BAIAP2L2: variants seen among roughly 807,000 people sequenced by gnomAD.
BAIAP2L2 encodes the protein BAR/IMD domain-containing adapter protein 2-like 2.
BAIAP2L2 carries 65 observed loss-of-function variants against 60.4 expected under a neutral mutation model. The ratio of observed to expected loss-of-function variants is 1.08; its 90% CI spans 0.88 to 1.32. The LOEUF is 1.32. BAIAP2L2 is among the 40% of genes most tolerant of loss of function. BAIAP2L2 has a pLI of 0.00. For synonymous variants in BAIAP2L2, 344 were observed against 301.7 expected (o/e 1.14, Z -1.45); for missense variants, 836 against 741.2 (o/e 1.13, Z -1.48).
Position 38,098,364 on chromosome 22 carries a change from G to A in BAIAP2L2, c.348+47C>T, listed in dbSNP as rs758744849. 2.3e-5 allele frequency: 37 copies of A among 1,576,270 alleles called. No homozygotes were observed. The South Asian group carries it at 3.9e-4, about 17-fold the overall frequency. ...GCCTACCTGTCAAATGGGAGAGGGG[G>A]TCCTGCCTGCAGTGAGTTGGGGGCC... On this transcript the variant is annotated intron_variant, in intron 5 of 13. Coordinates refer to ENST00000381669, the MANE Select transcript of BAIAP2L2 (RefSeq NM_025045.6).
chr22:38,089,233 T>C lies in BAIAP2L2; in HGVS notation c.766-2A>G. The C allele has an allele frequency of 2.3e-6, 1 of 427,354 alleles. No individual in the cohort carries two copies. The highest frequency in any genetic ancestry group is 1.1e-4 in the South Asian group (1 of 9,040). 26.5% of individuals were successfully genotyped at this position (427,354 alleles called of 1,614,324 possible). On this transcript the variant is annotated splice_acceptor_variant, in intron 8 of 13. Transcript: ENST00000381669. LOFTEE classifies it high-confidence loss of function. ...GAACTCTCCCAGGGGCCTCGGGGGC[T>C]GCGGGGGAGATGGGCAGGGGAGGGT...
intron 6 of BAIAP2L2, 40 bp downstream of exon 6, chr22:38,098,023 C>CCCT: frequency 2.3e-6 from 2 of 860,276 alleles, no homozygotes; most frequent in Non-Finnish European, 1.9e-6. Flanking sequence ...GTCTGCCCAC[C>CCCT]CGCCCTTCCT....
chr22:38,085,480 C>T, intron 13 of BAIAP2L2, 105 bp from the exon 14 acceptor site: 1 of 1,355,018 alleles, frequency 7.4e-7, no homozygotes. Flanking sequence ...CCTCCTGCCC[C>T]TATTTGGTCT....
At chr22:38,102,612 G>T (rs2086589387) in intron 4 of BAIAP2L2, among the ~76,000 whole-genome samples, 1 of 151,116 alleles carries the variant, frequency 6.6e-6, no homozygotes, top group African/African-American at 2.4e-5. Flanking sequence ...TGAAACAGAA[G>T]AAAATGAATC....
chr22:38,089,145 C>T lies in BAIAP2L2; in HGVS notation c.852G>A (p.Ala284=), dbSNP rs1360320118. The T allele has an allele frequency of 7.5e-7, 1 of 1,340,492 alleles. No homozygotes were observed. The highest frequency in any genetic ancestry group is 9.5e-7 in the Non-Finnish European group (1 of 1,050,352). 83.0% of individuals were successfully genotyped at this position (1,340,492 alleles called of 1,614,324 possible). A position where few individuals can be genotyped will look rare whatever the true frequency, so the allele number is the denominator to read the frequency against. Residue 284 remains alanine, a synonymous_variant, in exon 9 of 14, where the codon GCG becomes GCA. Transcript: ENST00000381669. ...SYGTEPDARP[A]SQLEPDRRSL... is the part of the protein sequence containing the mutation. ...AGCGACGGTCTGGCTCTAGCTGGGA[C>T]GCGGGCCTCGCGTCGGGCTCGGTGC...
chr22:38,099,481 C>T (rs1275666270), intron 4 of BAIAP2L2, among the ~76,000 whole-genome samples: 6 of 151,592 alleles, frequency 4.0e-5, no homozygotes, highest in East Asian at 1.9e-4. Flanking sequence ...TTGTAGTGAG[C>T]GGAGATCACG....
intron 1 of BAIAP2L2, 51 bp from the exon 2 acceptor site, chr22:38,109,259 A>G (rs60600671): frequency 0.17 from 245,073 of 1,454,654 alleles, 30,504 homozygotes; most frequent in African/African-American, 0.63. Context: ...GGGGAGCGAG[A>G]AGGAACCACG....
chr22:38,105,496 C>T (rs2086648317), intron 4 of BAIAP2L2, among the ~76,000 whole-genome samples: 1 of 152,008 alleles, frequency 6.6e-6, no homozygotes, highest in African/African-American at 2.4e-5. Flanking sequence ...CCCGCCACCA[C>T]ATGCGCGGCT....
At chr22:38,102,737 G>A (rs902741699) in intron 4 of BAIAP2L2, among the ~76,000 whole-genome samples, 2 of 152,136 alleles carry the variant, frequency 1.3e-5, no homozygotes, top group East Asian at 1.9e-4. Context: ...TATAAAAAGA[G>A]TTTAAAAATT....
In BAIAP2L2 at chr22:38,110,377, T is replaced by C. The variant is rs2086817945; in HGVS notation, c.51+98A>G. 5 of 1,261,656 alleles carry C rather than the reference T, an allele frequency of 4.0e-6. No individual in the cohort carries two copies. In the South Asian group the frequency reaches 6.4e-5, roughly 16 times the overall value. The allele number at this position is 1,261,656 out of a possible 1,614,324, so 78.2% of individuals were successfully genotyped here. On this transcript the variant is annotated intron_variant, in intron 1 of 13. Transcript: ENST00000381669. The stretch of plus-strand genomic sequence containing the variant: ...GCTCCAGGCTTCCCTTTCCAGGACA[T>C]CTGTAGCCCCGGCTGGCCCTCCGTC...
chr22:38,108,021 T>G, intron 3 of BAIAP2L2, 108 bp from the exon 4 acceptor site: 3 of 1,281,148 alleles, frequency 2.3e-6, no homozygotes, highest in Non-Finnish European at 3.3e-6. Context: ...GACTGGATTT[T>G]GGGACCAAAG....
intron 11 of BAIAP2L2, among the ~76,000 whole-genome samples, chr22:38,086,757 A>G (rs1001111747): frequency 6.6e-6 from 1 of 152,080 alleles, no homozygotes; most frequent in Admixed American, 6.5e-5. Flanking sequence ...GCACTTTGGG[A>G]GACCGAGGTG....
rs1400346317 is a variant in BAIAP2L2 at position 38,098,567 on chromosome 22, G to A, written c.277-85C>T. The A allele has an allele frequency of 9.0e-6, 10 of 1,109,716 alleles. 1 individual carries two copies. Among genetic ancestry groups the A allele is most frequent in the Non-Finnish European group, 1.3e-5 (10 of 751,944 alleles). The allele number at this position is 1,109,716 out of a possible 1,614,324, so 68.7% of individuals were successfully genotyped here. On this transcript the variant is annotated intron_variant, in intron 4 of 13. Transcript: ENST00000381669. ...CCCCCTTGCACTTTCTGCTATAACA[G>A]ACTGCCCATCGTGCTCCTAATATAC...
rs201216387 is a variant in BAIAP2L2, at chr22:38,085,344, G to A, written c.1546C>T (p.Arg516Cys). 1.6e-4 allele frequency: 253 copies of A among 1,614,068 alleles called. No homozygotes were observed. Among genetic ancestry groups the A allele is most frequent in the Non-Finnish European group, 1.9e-4 (230 of 1,179,966 alleles). The stretch of plus-strand genomic sequence containing the variant: ...GAGCGGTCATTGGTGATGGTGGGAC[G>A]AAGCTTGACAGTGGCAAAAGGATTT... Reference protein sequence around the residue: ...GTNPFATVKLRPTITNDRSAP... With the variant: ...GTNPFATVKLCPTITNDRSAP... The change falls in exon 14 of 14, where the codon CGT (arginine) becomes TGT (cysteine). Residue 516 changes from arginine to cysteine, a missense_variant. Coordinates refer to ENST00000381669, the MANE Select transcript of BAIAP2L2 (RefSeq NM_025045.6).
chr22:38,087,900 C>T (rs886492874), intron 10 of BAIAP2L2, among the ~76,000 whole-genome samples: 6 of 151,472 alleles, frequency 4.0e-5, no homozygotes, highest in Non-Finnish European at 4.4e-5. Context: ...ACCCCCCCCC[C>T]GCCATTTAAG....
intron 6 of BAIAP2L2, 46 bp downstream of exon 6, chr22:38,098,017 G>GCCCCCCC: frequency 1.3e-6 from 1 of 741,776 alleles, no homozygotes; most frequent in Non-Finnish European, 2.2e-6. Flanking sequence ...CCCGAGGTCT[G>GCCCCCCC]CCCACCCGCC....
chr22:38,103,570 A>G (rs1166402968), intron 4 of BAIAP2L2, among the ~76,000 whole-genome samples: 2 of 152,178 alleles, frequency 1.3e-5, no homozygotes, highest in African/African-American at 4.8e-5. Context: ...CAGATTAAAG[A>G]GGCTTCCAAT....
rs1003323958 is a variant in BAIAP2L2 at position 38,098,058 on chromosome 22, C to A, written c.465+5G>T. 1.1e-5 allele frequency: 17 copies of A among 1,568,312 alleles called. No individual in the cohort carries two copies. In the South Asian group the frequency reaches 1.8e-4, roughly 16 times the overall value. On this transcript the variant is annotated splice_donor_5th_base_variant and intron_variant, in intron 6 of 13. Coordinates refer to ENST00000381669, the MANE Select transcript of BAIAP2L2 (RefSeq NM_025045.6). ...TGGCCCACCCCCGCTTCCCGGCCCT[C>A]GCACCTTCATCTCCCGCACGTTCTT... is the stretch of plus-strand genomic sequence containing the variant.
At chr22:38,109,901 A>T (rs947417362) in intron 1 of BAIAP2L2, among the ~76,000 whole-genome samples, 1 of 150,748 alleles carries the variant, frequency 6.6e-6, no homozygotes, top group African/African-American at 2.4e-5. Flanking sequence ...TTTCCACCTC[A>T]CAGGTGGGTG....
Sources: allele counts gnomAD v4.1 joint callset (sites outside exome capture counted in the v4.1 genomes callset), GRCh38; gene constraint gnomAD v4.1.1; transcripts MANE v1.5; gene names NCBI Gene and HGNC (gene_info 2026-07-23, HGNC 2026-07-21).